Variants in MYO9A observed in about 807,000 individuals in gnomAD.
MYO9A encodes the protein myosin IXA, also known as unconventional myosin-IXa.
In MYO9A, 103 loss-of-function variants were observed where a neutral mutation model predicts 293.3. The observed-to-expected ratio is 0.35, with a 90% CI of 0.30 to 0.41. The LOEUF (loss-of-function observed/expected upper bound fraction) is 0.41. Ranked by LOEUF, MYO9A falls within the 10% of genes least tolerant of loss-of-function variation. MYO9A has a pLI of 1.00. For missense variants in MYO9A, 2,685 were observed against 3,033.0 expected (o/e 0.89, Z 2.69); for synonymous variants, 1,001 against 1,035.7 (o/e 0.97, Z 0.64).
chr15:71,830,973 CT>C (rs67440366), intron 39 of MYO9A, among the ~76,000 whole-genome samples: 25,368 of 103,122 alleles, frequency 0.25, 3,073 homozygotes, highest in African/African-American at 0.37. Flanking sequence ...CTGCTTCTTC[CT>C]TTTTTTTTTT....
chr15:71,985,605 TC>T (rs1022775712), intron 11 of MYO9A, among the ~76,000 whole-genome samples: 53 of 152,244 alleles, frequency 3.5e-4, no homozygotes, highest in African/African-American at 1.0e-3. Flanking sequence ...CCTGCTCAAT[TC>T]CTCATACTCT....
chr15:71,909,561 T>C (rs1353723378), intron 19 of MYO9A, among the ~76,000 whole-genome samples: 1 of 152,228 alleles, frequency 6.6e-6, no homozygotes, highest in Non-Finnish European at 1.5e-5. Flanking sequence ...TTTGGTGAGG[T>C]GCCCCTCCCC....
intron 1 of MYO9A, among the ~76,000 whole-genome samples, chr15:72,069,420 A>G (rs1394558863): frequency 6.6e-6 from 1 of 152,094 alleles, no homozygotes; most frequent in African/African-American, 2.4e-5. Flanking sequence ...GCTATACAAC[A>G]TTCAAAAATA....
chr15:71,977,263 G>A (rs1567339146), intron 12 of MYO9A, among the ~76,000 whole-genome samples: 1 of 152,034 alleles, frequency 6.6e-6, no homozygotes, highest in African/African-American at 2.4e-5. Flanking sequence ...ACAAAGTCTT[G>A]CTCTGTCGCC....
intron 5 of MYO9A, among the ~76,000 whole-genome samples, chr15:72,019,413 C>A (rs2077435576): frequency 6.6e-6 from 1 of 152,094 alleles, no homozygotes; most frequent in South Asian, 2.1e-4. Flanking sequence ...AGCAAAATTC[C>A]AGACTTCTCT....
chr15:71,875,712 A>G, intron 32 of MYO9A, 79 bp downstream of exon 32: 1 of 630,478 alleles, frequency 1.6e-6, no homozygotes, highest in South Asian at 6.4e-5. Flanking sequence ...AAATATATCC[A>G]CATATATATT....
intron 15 of MYO9A, 92 bp from the exon 16 acceptor site, chr15:71,939,019 C>A: frequency 1.1e-6 from 1 of 908,186 alleles, no homozygotes; most frequent in South Asian, 1.6e-5. Context: ...AAAATTTAAT[C>A]ACGAGTATTT....
At chr15:71,920,216 T>C (rs1233470533) in intron 18 of MYO9A, among the ~76,000 whole-genome samples, 1 of 152,230 alleles carries the variant, frequency 6.6e-6, no homozygotes, top group African/African-American at 2.4e-5. Context: ...TTAACCAGTT[T>C]ATTATTTTTT....
At chr15:72,099,420 CCCAAAAAA>C (rs1170231997) in intron 1 of MYO9A, among the ~76,000 whole-genome samples, 1 of 27,812 alleles carries the variant, frequency 3.6e-5, no homozygotes, top group African/African-American at 1.0e-4. Context: ...AAGACCCTGC[CCCAAAAAA>C]AAAAAAAAAA....
intron 28 of MYO9A, 65 bp from the exon 29 acceptor site, chr15:71,880,623 C>A: frequency 7.3e-7 from 1 of 1,378,726 alleles, no homozygotes; most frequent in Non-Finnish European, 1.0e-6. Context: ...TCTTCACATC[C>A]TTCTTTTTAA....
At chr15:72,110,435 C>CAAAAAA (rs397854173) in intron 1 of MYO9A, among the ~76,000 whole-genome samples, 55 of 45,074 alleles carry the variant, frequency 1.2e-3, no homozygotes, top group Non-Finnish European at 1.6e-3. Flanking sequence ...GACTCCATCT[C>CAAAAAA]AAAAAAAAAA....
intron 33 of MYO9A, among the ~76,000 whole-genome samples, chr15:71,861,304 A>C (rs1408396900): frequency 6.6e-6 from 1 of 151,606 alleles, no homozygotes; most frequent in Non-Finnish European, 1.5e-5. Flanking sequence ...CACTAGTAAA[A>C]GCAAAGCTTC....
chr15:72,067,758 A>G (rs901274625), intron 1 of MYO9A, among the ~76,000 whole-genome samples: 2 of 152,116 alleles, frequency 1.3e-5, no homozygotes, highest in Non-Finnish European at 2.9e-5. Flanking sequence ...ATGAGATTTT[A>G]TTTTCTTGAT....
Position 72,088,545 on chromosome 15 carries a change from C to T in MYO9A, c.-72+29135G>A, listed in dbSNP as rs574420384. On this transcript the variant is annotated intron_variant, in intron 1 of 41. Transcript: ENST00000356056. ...TCAAATTTATAATCTAACACATTTG[C>T]CACTTACTACTGTGACATATACACC... Among the ~76,000 whole-genome samples, 312 of 152,298 alleles carry T rather than the reference C, an allele frequency of 2.0e-3. 1 individual carries two copies. The highest frequency in any genetic ancestry group is 6.8e-3 in the Middle Eastern group (2 of 294).
At chr15:71,894,682 A>C (rs2057274171) in intron 25 of MYO9A, among the ~76,000 whole-genome samples, 1 of 152,260 alleles carries the variant, frequency 6.6e-6, no homozygotes, top group South Asian at 2.1e-4. Context: ...TGCTCCAGAC[A>C]ATACAGGTGT....
chr15:71,892,971 G>A (rs562993613), intron 26 of MYO9A: 63 of 1,260,500 alleles, frequency 5.0e-5, no homozygotes, highest in East Asian at 3.9e-4. Flanking sequence ...TTACCATTTC[G>A]GAGTCACTGT....
chr15:72,003,698 C>T (rs1424614325), intron 8 of MYO9A, among the ~76,000 whole-genome samples: 9 of 133,296 alleles, frequency 6.8e-5, no homozygotes, highest in Admixed American at 5.7e-4. Context: ...AGCGAGACTC[C>T]GTCTCAAAAA....
rs1241577587 is a variant in MYO9A, at chr15:71,951,881, G to A, written c.2198C>T (p.Ala733Val). Reference protein sequence around the residue: ...IHRKTGHDDTAPCAILKSMDS... With the variant: ...IHRKTGHDDTVPCAILKSMDS... ...CATACTTTTCAAAATTGCACATGGC[G>A]CTGTATCATCATGTCCTTAGGAAGC... Residue 733 changes from alanine to valine, a missense_variant, in exon 15 of 42, where the codon GCG becomes GTG. By Grantham distance (64) the Ala-to-Val change is moderately conservative. Coordinates refer to ENST00000356056, the MANE Select transcript of MYO9A (RefSeq NM_006901.4). The A allele has an allele frequency of 9.3e-6, 15 of 1,606,628 alleles. No homozygotes were observed. Among genetic ancestry groups the A allele is most frequent in the Middle Eastern group, 1.6e-4 (1 of 6,062 alleles).
At chr15:71,879,589 T>A in intron 30 of MYO9A, 132 bp downstream of exon 30, 1 of 645,946 alleles carries the variant, frequency 1.5e-6, no homozygotes. Context: ...ATTTTCCTTG[T>A]CTATCCCTAA....
Sources: allele counts gnomAD v4.1 joint callset (sites outside exome capture counted in the v4.1 genomes callset), GRCh38; gene constraint gnomAD v4.1.1; transcripts MANE v1.5; gene names NCBI Gene and HGNC (gene_info 2026-07-23, HGNC 2026-07-21).